SLCO1A2: variants seen among roughly 807,000 people sequenced by gnomAD.
SLCO1A2 encodes the protein solute carrier organic anion transporter family member 1A2.
A neutral mutation model predicts 69.0 loss-of-function variants in SLCO1A2; 67 were observed. The ratio of observed to expected loss-of-function variants is 0.97; its 90% CI spans 0.80 to 1.19. SLCO1A2 has a LOEUF of 1.19. SLCO1A2 is among the 50% of genes most tolerant of loss of function. SLCO1A2 has a pLI of 0.00. For missense variants in SLCO1A2, 787 were observed against 793.7 expected, an observed-to-expected ratio of 0.99 and a Z score of 0.10; for synonymous variants, 260 against 265.9, an observed-to-expected ratio of 0.98 and a Z score of 0.22.
intron 2 of SLCO1A2, 81 bp from the exon 3 acceptor site, chr12:21,319,004 C>T (rs1951240256): frequency 9.6e-7 from 1 of 1,038,846 alleles, no homozygotes; most frequent in Non-Finnish European, 1.4e-6. Flanking sequence ...ATGCCTTCCA[C>T]CATAAGACTG....
chr12:21,396,179 G>C (rs1457802770), upstream of SLCO1A2, among the ~76,000 whole-genome samples: 1 of 150,218 alleles, frequency 6.7e-6, no homozygotes, highest in African/African-American at 2.4e-5. Flanking sequence ...GTGCTTAAAG[G>C]AGCTGATGGA....
In SLCO1A2 at chr12:21,266,260, A is replaced by G. The variant is rs1942055503; in HGVS notation, c.*3288T>C. The G allele has an allele frequency of 2.6e-5, 4 of 152,126 alleles. No homozygotes were observed. The highest frequency in any genetic ancestry group is 4.8e-5 in the African/African-American group (2 of 41,430). 9.4% of individuals were successfully genotyped at this position (152,126 alleles called of 1,614,324 possible). On this transcript the variant is annotated 3_prime_UTR_variant, in exon 15 of 15. Transcript: ENST00000683939. ...TCTTTGTCTTGTCTTTCTTATTGTT[A>G]GTACAGACATAAGAGAATTTCCACG... is the stretch of plus-strand genomic sequence containing the variant.
At chr12:21,406,875 T>C (rs1040763535) in intron 1 of SLCO1A2, among the ~76,000 whole-genome samples, 6 of 152,186 alleles carry the variant, frequency 3.9e-5, no homozygotes, top group African/African-American at 1.4e-4. Context: ...ATGTATAAAC[T>C]GTTAGAATGT....
In SLCO1A2 at chr12:21,266,908, T is replaced by C. The variant is rs1327561615; in HGVS notation, c.*2640A>G. 3 of 152,096 alleles carry C rather than the reference T, an allele frequency of 2.0e-5. No homozygotes were observed. The highest frequency in any genetic ancestry group is 2.9e-5 in the Non-Finnish European group (2 of 68,000). The allele number at this position is 152,096 out of a possible 1,614,324, so 9.4% of individuals were successfully genotyped here. On this transcript the variant is annotated 3_prime_UTR_variant, in exon 15 of 15. Coordinates refer to ENST00000683939, the MANE Select transcript of SLCO1A2 (RefSeq NM_001386879.1). Reference sequence around the variant, plus strand: ...TAATATATTAAACCACTATTTCTAGTTTCATTAACTTTATGTATTAAGTAA... The same window carrying C: ...TAATATATTAAACCACTATTTCTAGCTTCATTAACTTTATGTATTAAGTAA...
chr12:21,289,995 G>A lies in SLCO1A2; in HGVS notation c.1610+2169C>T, dbSNP rs189758252. 1.4e-4 allele frequency among the ~76,000 whole-genome samples: 21 copies of A among 151,050 alleles called. No homozygotes were observed. In the East Asian group the frequency reaches 2.5e-3, roughly 18 times the overall value. ...AGTGTTCTGTTTGAATAGAGAAACC[G>A]TTTGTTTTTCTCAGTGTGTGTGTGT... On this transcript the variant is annotated intron_variant, in intron 12 of 14. Coordinates refer to ENST00000683939, the MANE Select transcript of SLCO1A2 (RefSeq NM_001386879.1).
intron 1 of SLCO1A2, among the ~76,000 whole-genome samples, chr12:21,405,113 G>C (rs1212601634): frequency 6.7e-6 from 1 of 149,114 alleles, no homozygotes; most frequent in African/African-American, 2.5e-5. Flanking sequence ...TCCTTGTAGA[G>C]TCTGGATATT....
chr12:21,325,563 T>C (rs1952159252), intron 2 of SLCO1A2, among the ~76,000 whole-genome samples: 1 of 152,192 alleles, frequency 6.6e-6, no homozygotes, highest in African/African-American at 2.4e-5. Flanking sequence ...TCCCTCATTA[T>C]AACCTTTGCC....
At chr12:21,360,743 C>T (rs1317085809) in intron 2 of SLCO1A2, among the ~76,000 whole-genome samples, 2 of 152,178 alleles carry the variant, frequency 1.3e-5, no homozygotes, top group Non-Finnish European at 2.9e-5. Context: ...GATTATATCC[C>T]GCGGCTGGCT....
At chr12:21,302,617 C>CTCCACCTCCCGGGTTCAAGTGA (rs923276651) in intron 6 of SLCO1A2, among the ~76,000 whole-genome samples, 6 of 151,714 alleles carry the variant, frequency 4.0e-5, no homozygotes, top group Non-Finnish European at 7.4e-5. Context: ...TCACTGCAAC[C>CTCCACCTCCCGGGTTCAAGTGA]TCCACCTCCC....
intron 2 of SLCO1A2, among the ~76,000 whole-genome samples, chr12:21,328,697 G>A (rs1262854746): frequency 1.3e-5 from 2 of 152,072 alleles, no homozygotes; most frequent in Admixed American, 6.6e-5. Context: ...TTGGCCTTTG[G>A]AGTATTCTGT....
intron 12 of SLCO1A2, among the ~76,000 whole-genome samples, chr12:21,279,995 T>C (rs1328145940): frequency 6.6e-6 from 1 of 152,056 alleles, no homozygotes; most frequent in Admixed American, 6.6e-5. Context: ...TTTTTGCTTA[T>C]TAGTTTCTTT....
At chr12:21,338,420 A>G (rs912725356), upstream of SLCO1A2, among the ~76,000 whole-genome samples, 3 of 151,828 alleles carry the variant, frequency 2.0e-5, no homozygotes, top group African/African-American at 4.8e-5. Flanking sequence ...GTCAGTAAAA[A>G]TCCTGTCACA....
At chr12:21,283,486 A>G (rs1945183947) in intron 12 of SLCO1A2, among the ~76,000 whole-genome samples, 1 of 152,168 alleles carries the variant, frequency 6.6e-6, no homozygotes, top group African/African-American at 2.4e-5. Context: ...ACATTCAGGA[A>G]ACTCTCCAGG....
intron 1 of SLCO1A2, among the ~76,000 whole-genome samples, chr12:21,401,654 C>T (rs570971725): frequency 1.3e-5 from 2 of 150,850 alleles, no homozygotes; most frequent in Admixed American, 6.6e-5. Context: ...TTTATTTCTA[C>T]TTTTTTGTTT....
intron 1 of SLCO1A2, among the ~76,000 whole-genome samples, chr12:21,384,883 G>A (rs1213404591): frequency 2.0e-5 from 3 of 150,824 alleles, no homozygotes. Context: ...CTCCAGCCTC[G>A]GCTTCCCGAG....
chr12:21,415,872 T>G (rs1255724753), intron 1 of SLCO1A2, among the ~76,000 whole-genome samples: 1 of 152,098 alleles, frequency 6.6e-6, no homozygotes, highest in East Asian at 1.9e-4. Context: ...TCTTGGCTCC[T>G]CTTTTATATT....
intron 2 of SLCO1A2, among the ~76,000 whole-genome samples, chr12:21,369,154 TCTTTTA>T (rs995593082): frequency 2.6e-5 from 4 of 152,196 alleles, no homozygotes; most frequent in South Asian, 2.1e-4. Flanking sequence ...ATATAAAACA[TCTTTTA>T]CTTTTAAAAT....
intron 1 of SLCO1A2, among the ~76,000 whole-genome samples, chr12:21,412,541 C>G (rs1029552377): frequency 6.6e-6 from 1 of 152,028 alleles, no homozygotes; most frequent in African/African-American, 2.4e-5. Flanking sequence ...TGATTAATTG[C>G]ACTTATGAAT....
At chr12:21,274,104 G>A (rs750830437) in intron 14 of SLCO1A2, 5 of 156,398 alleles carry the variant, frequency 3.2e-5, no homozygotes, top group East Asian at 3.7e-4. Flanking sequence ...CTTCAGACTC[G>A]TGAGATGATG....
Sources: gnomAD v4.1 joint callset for allele counts (sites outside exome capture counted in the v4.1 genomes callset) on GRCh38, gnomAD v4.1.1 for gene constraint, MANE v1.5 for transcripts, NCBI Gene and HGNC (gene_info 2026-07-23, HGNC 2026-07-21) for gene names.